Variants in ANXA4 observed in about 807,000 individuals in gnomAD.
The protein encoded by ANXA4 is 35-beta calcimedin.
A neutral mutation model predicts 49.8 loss-of-function variants in ANXA4; 39 were observed. The ratio of observed to expected loss-of-function variants is 0.78; its 90% confidence interval spans 0.61 to 1.02. The LOEUF is 1.02. Among genes scored for constraint, ANXA4 ranks in the 50% least tolerant of loss-of-function variants. ANXA4 has a pLI of 0.00. For missense variants in ANXA4, 360 were observed against 410.1 expected (o/e 0.88, Z 1.05); for synonymous variants, 134 against 152.5 (o/e 0.88, Z 0.89).
chr2:69,805,421 T>G (rs911396926), intron 4 of ANXA4, among the ~76,000 whole-genome samples: 8 of 151,976 alleles, frequency 5.3e-5, no homozygotes, highest in Admixed American at 4.6e-4. Context: ...CTGACCAACA[T>G]GGTGAAACCC....
intron 2 of ANXA4, among the ~76,000 whole-genome samples, chr2:69,689,200 TGCCTCA>T (rs1422933111): frequency 1.3e-5 from 2 of 152,170 alleles, no homozygotes; most frequent in Admixed American, 6.5e-5. Context: ...GTGATCCTCC[TGCCTCA>T]GCCTCCTGAG....
intron 1 of ANXA4, among the ~76,000 whole-genome samples, chr2:69,745,774 G>A (rs541601043): frequency 7.2e-5 from 11 of 152,084 alleles, no homozygotes; most frequent in East Asian, 1.9e-4. Flanking sequence ...CAGATGATCC[G>A]CTTGCATCAG....
chr2:69,771,109 GAAAAAAAA>G (rs70954358), intron 1 of ANXA4, among the ~76,000 whole-genome samples: 1 of 104,750 alleles, frequency 9.5e-6, no homozygotes, highest in Non-Finnish European at 2.0e-5. Context: ...AAAAAAAAAA[GAAAAAAAA>G]AAAAAAAAGA....
At chr2:69,731,767 A>G (rs941730218) in intron 3 of ANXA4, among the ~76,000 whole-genome samples, 4 of 152,172 alleles carry the variant, frequency 2.6e-5, no homozygotes, top group African/African-American at 9.6e-5. Context: ...GCATTATTTG[A>G]CTGTCAAACT....
rs1558522299 is a variant in ANXA4, at chr2:69,812,655, T to G, written c.480T>G (p.Gly160=). The G allele has an allele frequency of 5.0e-6, 8 of 1,613,322 alleles. No individual in the cohort carries two copies. Among genetic ancestry groups the G allele is most frequent in the Non-Finnish European group, 6.8e-6 (8 of 1,179,416 alleles). Residue 160 remains glycine (G), a splice_region_variant and synonymous_variant, in exon 8 of 13, where the codon GGT becomes GGG. Coordinates refer to ENST00000394295, the MANE Select transcript of ANXA4 (RefSeq NM_001153.5). ...FQRVLVSLSA[G]GRDEGNYLDD... ...TTATTTGTTTTTCTCATCCTCAGGG[T>G]GGGAGGGATGAAGGAAATTATCTGG...
chr2:69,656,313 G>GTA (rs367863366), intron 2 of ANXA4, among the ~76,000 whole-genome samples: 2 of 74,182 alleles, frequency 2.7e-5, no homozygotes, highest in East Asian at 1.7e-3. Flanking sequence ...ATGTATATAT[G>GTA]TATATATATG....
intron 2 of ANXA4, among the ~76,000 whole-genome samples, chr2:69,677,026 G>A (rs1677436433): frequency 6.6e-6 from 1 of 151,818 alleles, no homozygotes; most frequent in African/African-American, 2.4e-5. Context: ...TATCGCCCAG[G>A]CTGGTCTCAA....
rs138676647 is a variant in ANXA4 at position 69,798,613 on chromosome 2, T to C, written c.98-5920T>C. On this transcript the variant is annotated intron_variant, in intron 3 of 12. Transcript: ENST00000394295. ...GACACAGCCAACATTCCCGGCACCC[T>C]GAGGGCAGGTCCTCCCCAGCAAGCC... Among the ~76,000 whole-genome samples, 388 of 152,348 alleles carry C rather than the reference T, an allele frequency of 2.5e-3. 1 individual carries two copies. The highest frequency in any genetic ancestry group is 8.1e-3 in the African/African-American group (335 of 41,590).
chr2:69,774,991 T>C (rs1190581011), intron 1 of ANXA4, among the ~76,000 whole-genome samples: 1 of 152,218 alleles, frequency 6.6e-6, no homozygotes, highest in East Asian at 1.9e-4. Flanking sequence ...TACTCTGCAG[T>C]GTTCGAAACC....
chr2:69,644,823 T>TAA (rs761393126), exon 1 of ANXA4: 1 of 152,274 alleles, frequency 6.6e-6, no homozygotes, highest in Non-Finnish European at 1.5e-5. Flanking sequence ...CATTGATACT[T>TAA]ACGTTTCCCT....
chr2:69,812,119 AC>A (rs1352258140), intron 7 of ANXA4, among the ~76,000 whole-genome samples: 3 of 121,714 alleles, frequency 2.5e-5, no homozygotes, highest in African/African-American at 9.9e-5. Flanking sequence ...CAACCTCCCC[AC>A]CTTTTTTTTT....
rs1038419511 is a variant in ANXA4 at position 69,677,802 on chromosome 2, A to G, written n.766+24520A>G. Among the ~76,000 whole-genome samples the G allele has an allele frequency of 6.6e-5, 10 of 152,264 alleles. No homozygotes were observed. The East Asian group carries it at 1.5e-3, about 23-fold the overall frequency. On this transcript the variant is annotated intron_variant and non_coding_transcript_variant, in intron 2 of 3. Coordinates refer to the ANXA4 transcript ENST00000418066. ...ATAGAAAATGGAATTATTCTTCCTT[A>G]AGGAAGATAGTAGAAACTAGAACTT...
chr2:69,825,007 C>A (rs1384212944), intron 12 of ANXA4, among the ~76,000 whole-genome samples: 1 of 136,208 alleles, frequency 7.3e-6, no homozygotes, highest in East Asian at 2.2e-4. Flanking sequence ...GCAGAGCTTG[C>A]AGTGAGTCAA....
intron 4 of ANXA4, among the ~76,000 whole-genome samples, chr2:69,805,007 A>G (rs1026076681): frequency 1.5e-5 from 2 of 130,096 alleles, no homozygotes; most frequent in Non-Finnish European, 3.1e-5. Context: ...AGATCATGCC[A>G]CTTCACTCCA....
chr2:69,654,489 C>T (rs1409978656), intron 2 of ANXA4, among the ~76,000 whole-genome samples: 1 of 152,104 alleles, frequency 6.6e-6, no homozygotes. Flanking sequence ...GAGTTTTTAG[C>T]ATGAAGGGGT....
rs1258269872 is a variant in ANXA4, at chr2:69,797,826, A to G, written c.98-6707A>G. ...AGAGGGGGCATAAGGTTTGGTCTCT[A>G]TTAGAGGGATGTAAAAGGGAGGAGA... On this transcript the variant is annotated intron_variant, in intron 3 of 12. Transcript: ENST00000394295. 2.0e-5 allele frequency among the ~76,000 whole-genome samples: 3 copies of G among 152,328 alleles called. No homozygotes were observed. The East Asian group carries it at 5.8e-4, about 29-fold the overall frequency.
intron 4 of ANXA4, among the ~76,000 whole-genome samples, chr2:69,805,888 T>G (rs779209465): frequency 1.6e-4 from 24 of 152,180 alleles, no homozygotes; most frequent in Non-Finnish European, 2.8e-4. Context: ...TTAGTAAAAA[T>G]AATAAGTATA....
At chr2:69,775,269 G>T (rs2103624982) in intron 1 of ANXA4, among the ~76,000 whole-genome samples, 1 of 152,328 alleles carries the variant, frequency 6.6e-6, no homozygotes, top group East Asian at 1.9e-4. Context: ...TGAAATCTGA[G>T]CTTGGTCTGA....
intron 3 of ANXA4, among the ~76,000 whole-genome samples, chr2:69,721,413 G>A (rs938824401): frequency 1.3e-5 from 2 of 152,200 alleles, no homozygotes; most frequent in African/African-American, 2.4e-5. Flanking sequence ...ATCTGATGTC[G>A]AAAGATCACT....
Sources: allele counts gnomAD v4.1 joint callset (sites outside exome capture counted in the v4.1 genomes callset), GRCh38; gene constraint gnomAD v4.1.1; transcripts MANE v1.5; gene names NCBI Gene and HGNC (gene_info 2026-07-23, HGNC 2026-07-21).